Variants in SMARCC1 observed in about 807,000 individuals in gnomAD.
The protein encoded by SMARCC1 is SWI/SNF complex subunit SMARCC1.
In SMARCC1, 43 loss-of-function variants were observed where a neutral mutation model predicts 147.4. The ratio of observed to expected loss-of-function variants is 0.29; its 90% CI spans 0.23 to 0.38. SMARCC1 has a LOEUF of 0.38. Ranked by LOEUF, SMARCC1 falls within the 10% of genes least tolerant of loss-of-function variation. SMARCC1 has a pLI of 1.00. For missense variants in SMARCC1, 1,119 were observed against 1,381.1 expected, an observed-to-expected ratio of 0.81 and a Z score of 3.01; for synonymous variants, 495 against 484.4, an observed-to-expected ratio of 1.02 and a Z score of -0.29.
At chr3:47,656,373 C>T (rs2033262225) in intron 21 of SMARCC1, among the ~76,000 whole-genome samples, 1 of 152,186 alleles carries the variant, frequency 6.6e-6, no homozygotes, top group South Asian at 2.1e-4. Context: ...TAAAACAGCA[C>T]TAGTAAACAA....
chr3:47,678,725 G>T (rs767591109), intron 15 of SMARCC1, among the ~76,000 whole-genome samples: 1 of 152,186 alleles, frequency 6.6e-6, no homozygotes, highest in Non-Finnish European at 1.5e-5. Flanking sequence ...CTATATTGCA[G>T]GTAGGGTCTG....
chr3:47,764,357 C>T (rs2034810553), intron 2 of SMARCC1, among the ~76,000 whole-genome samples: 1 of 152,012 alleles, frequency 6.6e-6, no homozygotes, highest in Non-Finnish European at 1.5e-5. Context: ...GTTCACTGTA[C>T]ATTGGCCATA....
chr3:47,624,733 T>A (rs1293842580), intron 24 of SMARCC1, among the ~76,000 whole-genome samples: 1 of 151,940 alleles, frequency 6.6e-6, no homozygotes, highest in Non-Finnish European at 1.5e-5. Context: ...AACTCTGAGT[T>A]TATAGGGCAA....
Position 47,713,233 on chromosome 3 carries a change from G to C in SMARCC1, c.792+1182C>G, listed in dbSNP as rs555038576. Among the ~76,000 whole-genome samples the C allele has an allele frequency of 3.8e-3, 583 of 152,070 alleles. 4 individuals are homozygous for C. The highest frequency in any genetic ancestry group is 0.014 in the African/African-American group (566 of 41,482). The stretch of plus-strand genomic sequence containing the variant: ...CTACTCAGAAGGCTGAGGTAGAATG[G>C]TGTGAACCCGGGAGGTGGAGCTTGC... On this transcript the variant is annotated intron_variant, in intron 8 of 27. Transcript: ENST00000254480.
At chr3:47,702,065 G>A (rs1390651059) in intron 10 of SMARCC1, among the ~76,000 whole-genome samples, 1 of 151,952 alleles carries the variant, frequency 6.6e-6, no homozygotes, top group East Asian at 1.9e-4. Context: ...TCAAAGATAC[G>A]TACCATTGTG....
chr3:47,644,636 T>C (rs2106714177), intron 21 of SMARCC1, among the ~76,000 whole-genome samples: 1 of 152,168 alleles, frequency 6.6e-6, no homozygotes, highest in East Asian at 1.9e-4. Context: ...GCCTCCTGAG[T>C]AGCTGGGATT....
chr3:47,718,970 T>C (rs1194288163), intron 7 of SMARCC1, among the ~76,000 whole-genome samples: 1 of 152,170 alleles, frequency 6.6e-6, no homozygotes, highest in East Asian at 1.9e-4. Context: ...TGGACTGCAG[T>C]GGCGCAATCT....
intron 24 of SMARCC1, among the ~76,000 whole-genome samples, chr3:47,631,114 GA>G (rs2032884241): frequency 6.6e-6 from 1 of 151,006 alleles, no homozygotes; most frequent in African/African-American, 2.4e-5. Context: ...GAAGGAGAGA[GA>G]AAGAGAAAAA....
At chr3:47,619,643 G>C (rs897647796) in intron 25 of SMARCC1, among the ~76,000 whole-genome samples, 9 of 152,210 alleles carry the variant, frequency 5.9e-5, no homozygotes, top group African/African-American at 1.9e-4. Context: ...TGAAACCCAG[G>C]TCTCATGAGC....
At position 47,712,563 on chromosome 3, in the gene SMARCC1, G is replaced by A. The variant is rs74917533; in HGVS notation, c.793-1755C>T. ...AGGCACTATGCTGAACATCTTACAC[G>A]TATAATCTCATTTAACTCTCCTAAG... On this transcript the variant is annotated intron_variant, in intron 8 of 27. Transcript: ENST00000254480. 5.9e-5 allele frequency among the ~76,000 whole-genome samples: 9 copies of A among 152,232 alleles called. No individual in the cohort carries two copies. The East Asian group carries it at 1.7e-3, about 29-fold the overall frequency.
chr3:47,595,923 C>T (rs1238446035), intron 26 of SMARCC1, among the ~76,000 whole-genome samples: 1 of 151,566 alleles, frequency 6.6e-6, no homozygotes, highest in Non-Finnish European at 1.5e-5. Flanking sequence ...TTAGTAGAGA[C>T]CGAGTTTCAC....
intron 11 of SMARCC1, among the ~76,000 whole-genome samples, chr3:47,695,369 T>C (rs1223912921): frequency 6.6e-6 from 1 of 152,174 alleles, no homozygotes; most frequent in Non-Finnish European, 1.5e-5. Context: ...GAAGTATATC[T>C]CAATTAAAAC....
At chr3:47,656,955 C>G (rs1313454321) in intron 21 of SMARCC1, among the ~76,000 whole-genome samples, 3 of 151,944 alleles carry the variant, frequency 2.0e-5, no homozygotes, top group African/African-American at 4.8e-5. Context: ...GTAAACAAAC[C>G]TAAAAACATC....
At chr3:47,592,958 T>G in intron 26 of SMARCC1, among the ~76,000 whole-genome samples, 1 of 151,970 alleles carries the variant, frequency 6.6e-6, no homozygotes, top group Non-Finnish European at 1.5e-5. Context: ...TAGTTGGGAC[T>G]ACAGGTGTGC....
intron 26 of SMARCC1, among the ~76,000 whole-genome samples, chr3:47,595,974 C>A (rs2032272154): frequency 6.6e-6 from 1 of 151,672 alleles, no homozygotes; most frequent in African/African-American, 2.4e-5. Context: ...ACCTCGTGAT[C>A]TGCCTGCTTT....
chr3:47,759,026 AAG>A (rs2034739499), intron 2 of SMARCC1, among the ~76,000 whole-genome samples: 2 of 151,356 alleles, frequency 1.3e-5, no homozygotes, highest in African/African-American at 4.8e-5. Flanking sequence ...CCAAAAAAAA[AAG>A]AGGAGAAACA....
intron 3 of SMARCC1, among the ~76,000 whole-genome samples, chr3:47,740,211 T>TTTTTTTTA (rs2034493767): frequency 1.3e-5 from 1 of 78,028 alleles, no homozygotes; most frequent in African/African-American, 5.2e-5. Context: ...TTTTTTTTTT[T>TTTTTTTTA]AAAAGACAGA....
intron 12 of SMARCC1, 125 bp from the exon 13 acceptor site, chr3:47,689,549 G>C: frequency 1.3e-6 from 1 of 742,016 alleles, no homozygotes; most frequent in Non-Finnish European, 2.4e-6. Context: ...CATTATTAAA[G>C]CAAAATCACT....
Position 47,720,914 on chromosome 3 carries a change from G to A in SMARCC1, c.647-179C>T, listed in dbSNP as rs80203324. On this transcript the variant is annotated intron_variant, in intron 6 of 27. Transcript: ENST00000254480. ...ATTGAGTACTATCTACCAGATTAAA[G>A]GGAAATTTCTCAGTCTTTCTGACTT... is the stretch of plus-strand genomic sequence containing the variant. 9.2e-3 allele frequency among the ~76,000 whole-genome samples: 1,405 copies of A among 152,228 alleles called. 21 individuals are homozygous for A. Among genetic ancestry groups the A allele is most frequent in the African/African-American group, 0.033 (1,350 of 41,528 alleles).
Sources: gnomAD v4.1 joint callset for allele counts (sites outside exome capture counted in the v4.1 genomes callset) on GRCh38, gnomAD v4.1.1 for gene constraint, MANE v1.5 for transcripts, NCBI Gene and HGNC (gene_info 2026-07-23, HGNC 2026-07-21) for gene names.